The following CLDN12 variants were observed in gnomAD, a reference collection of about 807,000 sequenced individuals.
CLDN12 encodes claudin 12, also known as claudin-12.
CLDN12 carries 9 observed loss-of-function variants against 15.5 expected under a neutral mutation model. The observed-to-expected ratio is 0.58, with a 90% CI of 0.35 to 1.02. The LOEUF (loss-of-function observed/expected upper bound fraction) is 1.02. CLDN12 is among the 50% of genes least tolerant of loss of function. CLDN12 has a pLI of 0.02. For synonymous variants in CLDN12, 140 were observed against 121.6 expected (o/e 1.15, Z -1.00); for missense variants, 233 against 297.3 (o/e 0.78, Z 1.59).
At chr7:90,411,144 G>T (rs1336760735) in intron 2 of CLDN12, among the ~76,000 whole-genome samples, 6 of 152,152 alleles carry the variant, frequency 3.9e-5, no homozygotes. Flanking sequence ...TAGCATTTTG[G>T]TCATAATTGT....
intron 2 of CLDN12, among the ~76,000 whole-genome samples, chr7:90,409,508 C>T (rs1796913469): frequency 6.6e-6 from 1 of 152,206 alleles, no homozygotes; most frequent in Non-Finnish European, 1.5e-5. Flanking sequence ...AGGCATGAGC[C>T]AATTCGCCCA....
intron 2 of CLDN12, chr7:90,408,883 A>T (rs989390634): frequency 6.6e-6 from 1 of 152,148 alleles, no homozygotes; most frequent in Non-Finnish European, 1.5e-5. Context: ...TTGATAGTCT[A>T]TAGGCTAAGA....
At position 90,412,886 on chromosome 7, in the gene CLDN12, C is replaced by T. The variant is rs185427290; in HGVS notation, c.210C>T (p.Tyr70=). Residue 70 remains tyrosine (Y), a synonymous_variant, in exon 4 of 4, where the codon TAC becomes TAT. Transcript: ENST00000496677. ...RYDGSSDCLM[Y]DTTWYSSVDQ... is the part of the protein sequence containing the mutation. ...ACGGGAGCAGTGACTGCCTGATGTA[C>T]GACACTACTTGGTACTCATCAGTTG... The T allele has an allele frequency of 1.4e-5, 23 of 1,614,172 alleles. No individual in the cohort carries two copies. In the East Asian group the frequency reaches 2.0e-4, roughly 14 times the overall value.
chr7:90,413,593 G>T lies in CLDN12; in HGVS notation c.*182G>T. The T allele has an allele frequency of 2.2e-6, 3 of 1,341,788 alleles. No individual in the cohort carries two copies. Among genetic ancestry groups the T allele is most frequent in the East Asian group, 2.8e-5 (1 of 35,530 alleles). 83.1% of individuals were successfully genotyped at this position (1,341,788 alleles called of 1,614,324 possible). The stretch of plus-strand genomic sequence containing the variant: ...ATGAGAAGTATATTATATTAAATGT[G>T]AATTTTTTAAATTTTGCTTCTTATA... On this transcript the variant is annotated 3_prime_UTR_variant, in exon 4 of 4. Transcript: ENST00000496677.
At chr7:90,412,453 C>T in intron 3 of CLDN12, 191 bp from the exon 4 acceptor site, 1 of 511,890 alleles carries the variant, frequency 2.0e-6, no homozygotes, top group Non-Finnish European at 3.4e-6. Flanking sequence ...AATGTGTGTG[C>T]ACCTGTGCTC....
Position 90,413,577 on chromosome 7 carries a change from A to G in CLDN12, c.*166A>G. The stretch of plus-strand genomic sequence containing the variant: ...AGTGCTGCTAGTTTTTATGAGAAGT[A>G]TATTATATTAAATGTGAATTTTTTA... On this transcript the variant is annotated 3_prime_UTR_variant, in exon 4 of 4. Coordinates refer to ENST00000496677, the MANE Select transcript of CLDN12 (RefSeq NM_001185072.3). 1.4e-6 allele frequency: 2 copies of G among 1,395,396 alleles called. No individual in the cohort carries two copies. The highest frequency in any genetic ancestry group is 1.9e-6 in the Non-Finnish European group (2 of 1,072,956). 86.4% of individuals were successfully genotyped at this position (1,395,396 alleles called of 1,614,324 possible).
intron 2 of CLDN12, 30 bp from the exon 3 acceptor site, chr7:90,411,977 G>A (rs1307142142): frequency 6.6e-6 from 1 of 152,232 alleles, no homozygotes; most frequent in East Asian, 1.9e-4. Flanking sequence ...ACCCTGCAAG[G>A]TTGGCACTGT....
chr7:90,412,333 G>T (rs1419387076), intron 3 of CLDN12: 2 of 245,242 alleles, frequency 8.2e-6, no homozygotes, highest in Non-Finnish European at 1.6e-5. Flanking sequence ...GAAGATTGAA[G>T]GTGTGATTGT....
chr7:90,407,604 C>G (rs987843645), intron 2 of CLDN12, among the ~76,000 whole-genome samples: 3 of 152,052 alleles, frequency 2.0e-5, no homozygotes, highest in African/African-American at 7.2e-5. Context: ...GATCTCTGTC[C>G]CTGGAATTCA....
Position 90,414,499 on chromosome 7 carries a change from C to A in CLDN12, c.*1088C>A. ...TGAGATCTGGTTCCATCCAGTAAGA[C>A]ATTTTAATAGAGAAGATCAAAATGT... On this transcript the variant is annotated 3_prime_UTR_variant, in exon 4 of 4. Coordinates refer to ENST00000496677, the MANE Select transcript of CLDN12 (RefSeq NM_001185072.3). The A allele has an allele frequency of 3.1e-6, 2 of 647,350 alleles. No individual in the cohort carries two copies. Among genetic ancestry groups the A allele is most frequent in the South Asian group, 7.0e-5 (1 of 14,360 alleles). 40.1% of individuals were successfully genotyped at this position (647,350 alleles called of 1,614,324 possible).
chr7:90,409,340 G>C (rs150878816), intron 2 of CLDN12, among the ~76,000 whole-genome samples: 2,895 of 152,222 alleles, frequency 0.019, 32 homozygotes, highest in Middle Eastern at 0.034. Context: ...TCCTGCCTCA[G>C]CCTCTTGAGT....
In CLDN12 at chr7:90,412,735, C is replaced by T; in HGVS notation, c.59C>T (p.Ser20Leu). 1 of 1,614,192 alleles carries T rather than the reference C, an allele frequency of 6.2e-7. No homozygotes were observed. The highest frequency in any genetic ancestry group is 8.5e-7 in the Non-Finnish European group (1 of 1,180,022). Residue 20 changes from serine to leucine, a missense_variant, in exon 4 of 4, where the codon TCA (serine) becomes TTA (leucine). Physicochemically the swap from Ser to Leu is moderately radical, Grantham distance 145. Coordinates refer to ENST00000496677, the MANE Select transcript of CLDN12 (RefSeq NM_001185072.3). The stretch of plus-strand genomic sequence containing the variant: ...CTTTCCTTCCTGTGTGGAATCGCCT[C>T]AGTAGCAGGCCTCTTTGCAGGGACT... ...TVLSFLCGIA[S>L]VAGLFAGTLL...
chr7:90,413,056 T>A lies in CLDN12; in HGVS notation c.380T>A (p.Val127Asp). ...VPNIKLAKCL[V>D]NSAGCHLVAG... Reference sequence around the variant, plus strand: ...AACATCAAACTGGCCAAGTGTCTGGTCAATAGTGCAGGTTGCCACCTGGTG... The same window carrying A: ...AACATCAAACTGGCCAAGTGTCTGGACAATAGTGCAGGTTGCCACCTGGTG... Residue 127 changes from valine to aspartate, a missense_variant, in exon 4 of 4, where the codon GTC becomes GAC. Coordinates refer to ENST00000496677, the MANE Select transcript of CLDN12 (RefSeq NM_001185072.3). 1 of 1,614,158 alleles carries A rather than the reference T, an allele frequency of 6.2e-7. No homozygotes were observed. The highest frequency in any genetic ancestry group is 1.6e-4 in the Middle Eastern group (1 of 6,062).
At chr7:90,407,727 G>A (rs1796869206) in intron 2 of CLDN12, among the ~76,000 whole-genome samples, 2 of 152,186 alleles carry the variant, frequency 1.3e-5, no homozygotes, top group Admixed American at 6.5e-5. Flanking sequence ...ACAGGGGGAG[G>A]TTTAGGACAA....
In CLDN12 at chr7:90,412,991, G is replaced by T. The variant is rs79632494; in HGVS notation, c.315G>T (p.Leu105=). ...LIAMGALLLC[L]IGMCNTAFRS... ...CCATGGGTGCCCTGCTGCTCTGCCT[G>T]ATTGGAATGTGCAACACTGCCTTCA... The change falls in exon 4 of 4, where the codon CTG becomes CTT. Residue 105 remains leucine, a synonymous_variant. Transcript: ENST00000496677. The T allele has an allele frequency of 6.4e-4, 1,035 of 1,614,184 alleles. 3 individuals carry two copies. Among genetic ancestry groups the T allele is most frequent in the South Asian group, 1.1e-3 (99 of 91,084 alleles).
At chr7:90,411,320 T>C (rs1391718985) in intron 2 of CLDN12, among the ~76,000 whole-genome samples, 1 of 152,238 alleles carries the variant, frequency 6.6e-6, no homozygotes, top group Non-Finnish European at 1.5e-5. Flanking sequence ...TCTGCTCTAT[T>C]GCCTCATAGT....
Position 90,413,920 on chromosome 7 carries a change from G to T in CLDN12, c.*509G>T, listed in dbSNP as rs567681750. 894 of 997,486 alleles carry T rather than the reference G, an allele frequency of 9.0e-4. No individual in the cohort carries two copies. The highest frequency in any genetic ancestry group is 1.0e-3 in the Non-Finnish European group (836 of 827,998). 61.8% of individuals were successfully genotyped at this position (997,486 alleles called of 1,614,324 possible). A position where few individuals can be genotyped will look rare whatever the true frequency, so the allele number is the denominator to read the frequency against. On this transcript the variant is annotated 3_prime_UTR_variant, in exon 4 of 4. Transcript: ENST00000496677. ...CTATCGGGGCTAATTGTATGAATAGGTGTCAGTATGTTGAAGATTACTTTC... is the reference window on the plus strand; with the variant it reads ...CTATCGGGGCTAATTGTATGAATAGTTGTCAGTATGTTGAAGATTACTTTC...
intron 2 of CLDN12, among the ~76,000 whole-genome samples, chr7:90,411,016 G>T (rs1796950367): frequency 6.6e-6 from 1 of 151,636 alleles, no homozygotes; most frequent in African/African-American, 2.4e-5. Context: ...GAAAGAAAAA[G>T]AAAAAATTAT....
intron 2 of CLDN12, chr7:90,406,092 G>A (rs1161861699): frequency 6.6e-6 from 1 of 152,194 alleles, no homozygotes; most frequent in Non-Finnish European, 1.5e-5. Context: ...GAGAAAGCGA[G>A]ACCCTGTCTC....
Sources: allele counts gnomAD v4.1 joint callset (sites outside exome capture counted in the v4.1 genomes callset), GRCh38; gene constraint gnomAD v4.1.1; transcripts MANE v1.5; gene names NCBI Gene and HGNC (gene_info 2026-07-23, HGNC 2026-07-21).